The following ERICH6 variants were observed in gnomAD, a reference collection of about 807,000 sequenced individuals.
ERICH6 encodes glutamate-rich protein 6.
Under a neutral mutation model 71.0 loss-of-function variants are expected in ERICH6, and 71 were observed. That is an observed-to-expected ratio of 1.00 (90% CI 0.83 to 1.22). The LOEUF (loss-of-function observed/expected upper bound fraction) is 1.22, where lower values mean the gene tolerates loss of function less well. ERICH6 is among the 50% of genes most tolerant of loss of function. The pLI, the probability that ERICH6 is intolerant of heterozygous loss-of-function variation, is 0.00. For synonymous variants in ERICH6, 262 were observed against 278.4 expected (o/e 0.94, Z 0.59); for missense variants, 808 against 797.2 (o/e 1.01, Z -0.16).
At chr3:150,675,732 A>G (rs1257457610) in intron 10 of ERICH6, among the ~76,000 whole-genome samples, 1 of 151,688 alleles carries the variant, frequency 6.6e-6, no homozygotes, top group African/African-American at 2.4e-5. Context: ...CACACTGAAG[A>G]CATTCCATTG....
rs1371989538 is a variant in ERICH6, at chr3:150,703,808, C to T, written c.91G>A (p.Glu31Lys). Residue 31 changes from glutamate to lysine, a missense_variant, in exon 1 of 14, where the codon GAG (glutamate) becomes AAG (lysine). Transcript: ENST00000295910. ...SEEELEEEEE[E>K]EEVEEEEEEV... Reference sequence around the variant, plus strand: ...TCCTCCTCCTCCTCCACCTCTTCCTCCTCCTCCTCCTCCTCTAACTCCTCC... The same window carrying T: ...TCCTCCTCCTCCTCCACCTCTTCCTTCTCCTCCTCCTCCTCTAACTCCTCC... 1.9e-6 allele frequency: 3 copies of T among 1,613,212 alleles called. No individual in the cohort carries two copies. Among genetic ancestry groups the T allele is most frequent in the Non-Finnish European group, 2.5e-6 (3 of 1,179,632 alleles).
chr3:150,663,769 C>T (rs1289235155), intron 13 of ERICH6, among the ~76,000 whole-genome samples: 2 of 152,076 alleles, frequency 1.3e-5, no homozygotes, highest in East Asian at 1.9e-4. Context: ...TAAGCCACCG[C>T]GCCTGGCCTG....
At chr3:150,682,050 G>A (rs1010979793) in intron 7 of ERICH6, among the ~76,000 whole-genome samples, 168 bp downstream of exon 7, 4 of 152,002 alleles carry the variant, frequency 2.6e-5, no homozygotes, top group Non-Finnish European at 5.9e-5. Context: ...CCTGAGCTCA[G>A]GCAATCCACC....
chr3:150,691,744 C>CAGA (rs1484373331), intron 3 of ERICH6, among the ~76,000 whole-genome samples: 2 of 152,018 alleles, frequency 1.3e-5, no homozygotes, highest in African/African-American at 2.4e-5. Flanking sequence ...AAGGTTATTA[C>CAGA]ATCTGTGTAT....
In ERICH6 at chr3:150,678,425, C is replaced by T. The variant is rs1419820501; in HGVS notation, c.1241G>A (p.Arg414Gln). Residue 414 changes from arginine to glutamine, a missense_variant, in exon 10 of 14, where the codon CGG becomes CAG. Physicochemically the swap from Arg to Gln is conservative, Grantham distance 43. Transcript: ENST00000295910. ...SNMSIICCDS[R>Q]IACGKVVRNE... is the part of the protein sequence containing the mutation. The stretch of plus-strand genomic sequence containing the variant: ...GTTCATTACCTTTCCACATGCTATC[C>T]GAGAATCACAACAAATGATAGACAT... The T allele has an allele frequency of 2.1e-5, 33 of 1,573,482 alleles. No homozygotes were observed. Among genetic ancestry groups the T allele is most frequent in the African/African-American group, 5.5e-5 (4 of 72,204 alleles).
chr3:150,694,769 C>T (rs1712590388), intron 3 of ERICH6, among the ~76,000 whole-genome samples: 1 of 152,160 alleles, frequency 6.6e-6, no homozygotes, highest in Non-Finnish European at 1.5e-5. Context: ...TTTGGTTTAT[C>T]ATCCCCACAT....
intron 1 of ERICH6, among the ~76,000 whole-genome samples, chr3:150,702,687 C>G (rs1297760959): frequency 5.9e-5 from 9 of 152,044 alleles, no homozygotes; most frequent in Non-Finnish European, 1.3e-4. Flanking sequence ...CAATCCTCCC[C>G]AACAAAGAAT....
chr3:150,667,024 G>A lies in ERICH6; in HGVS notation c.1500-9C>T, dbSNP rs1271030696. 1 of 1,603,330 alleles carries A rather than the reference G, an allele frequency of 6.2e-7. No individual in the cohort carries two copies. The highest frequency in any genetic ancestry group is 8.5e-7 in the Non-Finnish European group (1 of 1,173,334). On this transcript the variant is annotated splice_polypyrimidine_tract_variant and intron_variant, in intron 12 of 13. Transcript: ENST00000295910. ...AGATATTGATGTATACCCTGGTCAG[G>A]AAGGAAATGTAAATATCATAAACAG...
At chr3:150,697,623 G>A (rs1405897339) in intron 3 of ERICH6, among the ~76,000 whole-genome samples, 1 of 152,010 alleles carries the variant, frequency 6.6e-6, no homozygotes, top group African/African-American at 2.4e-5. Flanking sequence ...AACTTTATTG[G>A]TATCTAGGAC....
chr3:150,694,538 A>C (rs907259727), intron 3 of ERICH6, among the ~76,000 whole-genome samples: 1 of 152,138 alleles, frequency 6.6e-6, no homozygotes, highest in Non-Finnish European at 1.5e-5. Flanking sequence ...AGAATTGACT[A>C]TTCCCCTACC....
In ERICH6 at chr3:150,703,619, C is replaced by T. The variant is rs1156570720; in HGVS notation, c.280G>A (p.Val94Met). The change falls in exon 1 of 14, where the codon GTG becomes ATG. Residue 94 changes from valine to methionine, a missense_variant. By Grantham distance (21) the Val-to-Met change is conservative (BLOSUM62 1). Around this residue, in one of 3 missense-constraint regions of ERICH6, gnomAD observed 736 missense variants for 712.2 expected, o/e 1.03. Transcript: ENST00000295910. ...ACGATGCTGGCTAAGCGGGGGCGCA[C>T]GTCTGGGAAGTCGTCGTCGTAGTCA... is the stretch of plus-strand genomic sequence containing the variant. ...IGDYDDDFPD[V>M]RPRLASIVSP... 1 of 1,614,004 alleles carries T rather than the reference C, an allele frequency of 6.2e-7. No homozygotes were observed.
At chr3:150,666,645 CAT>C (rs1345017053) in intron 13 of ERICH6, 140 bp downstream of exon 13, 4 of 723,218 alleles carry the variant, frequency 5.5e-6, no homozygotes, top group Non-Finnish European at 9.0e-6. Flanking sequence ...GCTTTCATTA[CAT>C]GTTTTTCCAT....
chr3:150,672,532 A>C (rs913259640), intron 11 of ERICH6, among the ~76,000 whole-genome samples: 3 of 151,928 alleles, frequency 2.0e-5, no homozygotes, highest in Admixed American at 2.0e-4. Flanking sequence ...TGGGAGGTGG[A>C]GGTTGCAGTG....
chr3:150,673,406 C>G (rs1034354498), intron 11 of ERICH6, among the ~76,000 whole-genome samples: 2 of 152,122 alleles, frequency 1.3e-5, no homozygotes, highest in African/African-American at 4.8e-5. Flanking sequence ...TCAGGCTGAT[C>G]TCAAACCCCT....
At chr3:150,664,504 T>C (rs1404961907) in intron 13 of ERICH6, among the ~76,000 whole-genome samples, 1 of 151,890 alleles carries the variant, frequency 6.6e-6, no homozygotes, top group Non-Finnish European at 1.5e-5. Context: ...CAAAATTAAC[T>C]GAGTGTGGTG....
At position 150,665,825 on chromosome 3, in the gene ERICH6, C is replaced by A. The variant is rs571209436; in HGVS notation, c.1728+962G>T. 3.1e-4 allele frequency among the ~76,000 whole-genome samples: 35 copies of A among 111,422 alleles called. No individual in the cohort carries two copies. In the South Asian group the frequency reaches 4.0e-3, roughly 13 times the overall value. The allele number at this position is 111,422 out of a possible 152,430, so 73.1% of individuals were successfully genotyped here. ...CCTGGAAGACAGAGCAAGGCTCCAT[C>A]TCAAAAAAAAAAAAAAAAAAAAATC... On this transcript the variant is annotated intron_variant, in intron 13 of 13. Coordinates refer to ENST00000295910, the MANE Select transcript of ERICH6 (RefSeq NM_152394.5).
At chr3:150,671,037 G>A (rs562872232) in intron 11 of ERICH6, among the ~76,000 whole-genome samples, 12 of 152,118 alleles carry the variant, frequency 7.9e-5, no homozygotes, top group African/African-American at 2.9e-4. Context: ...AGGTGGGAGG[G>A]TCACCTGAGC....
chr3:150,687,190 T>C (rs1712230558), intron 3 of ERICH6, among the ~76,000 whole-genome samples: 2 of 152,186 alleles, frequency 1.3e-5, no homozygotes. Context: ...ACCACTACAG[T>C]CGATCTGATA....
Position 150,666,988 on chromosome 3 carries a change from T to C in ERICH6, c.1527A>G (p.Gln509=), listed in dbSNP as rs1236036656. The part of the protein sequence containing the change: ...VWVYINILGG[Q]YSDQAGNRIR... ...TTCTGTTGCCGGCTTGATCTGAATA[T>C]TGACCTCCCAAGATATTGATGTATA... is the stretch of plus-strand genomic sequence containing the variant. Residue 509 remains glutamine, a synonymous_variant, in exon 13 of 14, where the codon CAA becomes CAG. Coordinates refer to ENST00000295910, the MANE Select transcript of ERICH6 (RefSeq NM_152394.5). 4 of 1,614,088 alleles carry C rather than the reference T, an allele frequency of 2.5e-6. No individual in the cohort carries two copies. The East Asian group carries it at 6.7e-5, about 27-fold the overall frequency.
Sources: gnomAD v4.1 joint callset for allele counts (sites outside exome capture counted in the v4.1 genomes callset) on GRCh38, gnomAD v4.1.1 for gene constraint, gnomAD v4.1.1 regional missense constraint, MANE v1.5 for transcripts, NCBI Gene and HGNC (gene_info 2026-07-23, HGNC 2026-07-21) for gene names.